FSD1L: variants seen among roughly 807,000 people sequenced by gnomAD.
FSD1L encodes fibronectin type III and SPRY domain containing 1 like.
FSD1L carries 45 observed loss-of-function variants against 71.6 expected under a neutral mutation model. The observed-to-expected ratio is 0.63, with a 90% CI of 0.49 to 0.81. The LOEUF is 0.81. FSD1L is among the 30% of genes least tolerant of loss of function. The pLI is 0.00. For missense variants in FSD1L, 561 were observed against 618.1 expected (o/e 0.91, Z 0.98); for synonymous variants, 197 against 207.2 (o/e 0.95, Z 0.42).
Position 105,549,299 on chromosome 9 carries a change from G to A in FSD1L, c.*2816G>A, listed in dbSNP as rs1458379343. The A allele has an allele frequency of 6.6e-6, 1 of 152,038 alleles. No homozygotes were observed. The highest frequency in any genetic ancestry group is 1.5e-5 in the Non-Finnish European group (1 of 67,948). The allele number at this position is 152,038 out of a possible 1,614,324, so 9.4% of individuals were successfully genotyped here. A position where few individuals can be genotyped will look rare whatever the true frequency, so the allele number is the denominator to read the frequency against. On this transcript the variant is annotated 3_prime_UTR_variant, in exon 14 of 14. Coordinates refer to ENST00000481272, the MANE Select transcript of FSD1L (RefSeq NM_001145313.3). The stretch of plus-strand genomic sequence containing the variant: ...GTTTTATTAAGCTGGATATCGAAAT[G>A]AAGGAGCTGCCTTAAGCACTTTAGA...
chr9:105,471,979 A>G lies in FSD1L; in HGVS notation c.415A>G (p.Ile139Val), dbSNP rs1056200139. ...LLEFATRSLDIKEPEEFSKAA... is the reference protein window; with the variant it reads ...LLEFATRSLDVKEPEEFSKAA... ...AGAATTTGCAACAAGGTCATTAGAT[A>G]TAAAGGAACCTGAAGAATTTTCAAA... Residue 139 changes from isoleucine to valine, a missense_variant, in exon 5 of 14, where the codon ATA (isoleucine) becomes GTA (valine). This residue lies in a region of FSD1L where 410 missense variants were observed against 413.5 expected (regional missense o/e 0.99). Transcript: ENST00000481272. 2.0e-5 allele frequency: 29 copies of G among 1,445,066 alleles called. No homozygotes were observed. The highest frequency in any genetic ancestry group is 2.6e-5 in the Non-Finnish European group (29 of 1,100,488). 89.5% of individuals were successfully genotyped at this position (1,445,066 alleles called of 1,614,324 possible).
chr9:105,487,617 A>AATAT (rs1220083831), intron 7 of FSD1L, among the ~76,000 whole-genome samples: 31 of 152,140 alleles, frequency 2.0e-4, no homozygotes, highest in African/African-American at 7.5e-4. Context: ...GTAGGGTAGG[A>AATAT]CCTTTTAATG....
chr9:105,525,160 G>C (rs1238732736), intron 10 of FSD1L: 4 of 1,574,566 alleles, frequency 2.5e-6, no homozygotes, highest in Non-Finnish European at 3.4e-6. Flanking sequence ...CTCACCAAGA[G>C]AAGCCAGAAG....
intron 10 of FSD1L, chr9:105,521,788 C>G: frequency 1.2e-6 from 2 of 1,612,628 alleles, no homozygotes; most frequent in South Asian, 1.1e-5. Flanking sequence ...CATAACACCT[C>G]TGAAGAAGCC....
At position 105,448,085 on chromosome 9, in the gene FSD1L, G is replaced by T; in HGVS notation, c.-136G>T. 1 of 1,009,826 alleles carries T rather than the reference G, an allele frequency of 9.9e-7. No homozygotes were observed. Among genetic ancestry groups the T allele is most frequent in the Admixed American group, 2.2e-5 (1 of 45,752 alleles). The allele number at this position is 1,009,826 out of a possible 1,614,324, so 62.6% of individuals were successfully genotyped here. On this transcript the variant is annotated 5_prime_UTR_variant, in exon 1 of 14. Coordinates refer to ENST00000481272, the MANE Select transcript of FSD1L (RefSeq NM_001145313.3). ...CTACGGCGCGCGCGGTCTGGGCGCG[G>T]ACGGGTGGGGCCGGGCGGTGCCGGT...
intron 1 of FSD1L, among the ~76,000 whole-genome samples, chr9:105,459,511 G>A (rs1340038292): frequency 6.6e-6 from 1 of 152,190 alleles, no homozygotes; most frequent in Non-Finnish European, 1.5e-5. Flanking sequence ...TACAGCAGTT[G>A]CAGATTAAAG....
intron 10 of FSD1L, among the ~76,000 whole-genome samples, chr9:105,517,450 A>G (rs1834802404): frequency 6.6e-6 from 1 of 152,268 alleles, no homozygotes; most frequent in East Asian, 1.9e-4. Context: ...CCATCAGACT[A>G]ACAGCAGATC....
At chr9:105,492,035 C>T (rs1832978328) in intron 7 of FSD1L, among the ~76,000 whole-genome samples, 1 of 151,904 alleles carries the variant, frequency 6.6e-6, no homozygotes, top group Middle Eastern at 3.4e-3. Flanking sequence ...GGGAGGATTC[C>T]TTCTTTTTTA....
At chr9:105,487,121 A>T (rs1832603352) in intron 7 of FSD1L, among the ~76,000 whole-genome samples, 1 of 152,306 alleles carries the variant, frequency 6.6e-6, no homozygotes, top group South Asian at 2.1e-4. Context: ...GTAGGAGTTC[A>T]TTCCAGATCA....
rs1229894174 is a variant in FSD1L, at chr9:105,550,451, T to C, written c.*3968T>C. The C allele has an allele frequency of 1.3e-5, 2 of 152,072 alleles. No homozygotes were observed. The highest frequency in any genetic ancestry group is 4.8e-5 in the African/African-American group (2 of 41,448). 9.4% of individuals were successfully genotyped at this position (152,072 alleles called of 1,614,324 possible). ...AATATACATTTCATAATGTTGGCAC[T>C]GGAGTATTATAAGAGATCATGAATG... On this transcript the variant is annotated 3_prime_UTR_variant, in exon 14 of 14. Coordinates refer to ENST00000481272, the MANE Select transcript of FSD1L (RefSeq NM_001145313.3).
In FSD1L at chr9:105,548,129, A is replaced by G. The variant is rs1021869775; in HGVS notation, c.*1646A>G. The stretch of plus-strand genomic sequence containing the variant: ...ACTATTATCTGATGACATGTTGGTA[A>G]TTTTAAAGACTGCAAGGCAGTTTAG... On this transcript the variant is annotated 3_prime_UTR_variant, in exon 14 of 14. Transcript: ENST00000481272. 6.6e-6 allele frequency: 1 copy of G among 152,048 alleles called. No homozygotes were observed. Among genetic ancestry groups the G allele is most frequent in the Non-Finnish European group, 1.5e-5 (1 of 67,946 alleles). The allele number at this position is 152,048 out of a possible 1,614,324, so 9.4% of individuals were successfully genotyped here.
chr9:105,445,029 C>T (rs1430070073), upstream of FSD1L, among the ~76,000 whole-genome samples: 2 of 152,152 alleles, frequency 1.3e-5, no homozygotes, highest in Non-Finnish European at 2.9e-5. Flanking sequence ...TGTAAAACTA[C>T]TTTTGAAAAT....
At chr9:105,485,753 C>G (rs189265026) in intron 7 of FSD1L, among the ~76,000 whole-genome samples, 3 of 151,758 alleles carry the variant, frequency 2.0e-5, no homozygotes, top group Non-Finnish European at 2.9e-5. Context: ...GCGCCATTCT[C>G]CTGCCTCAGC....
intron 4 of FSD1L, among the ~76,000 whole-genome samples, chr9:105,469,959 A>G (rs1479803789): frequency 6.6e-6 from 1 of 152,100 alleles, no homozygotes; most frequent in Non-Finnish European, 1.5e-5. Context: ...TAAGGGACCT[A>G]CTTTATTTTT....
intron 1 of FSD1L, among the ~76,000 whole-genome samples, chr9:105,456,602 G>A (rs948362852): frequency 1.3e-5 from 2 of 152,182 alleles, no homozygotes; most frequent in African/African-American, 2.4e-5. Context: ...CTTGGCTAGG[G>A]TGTATATGAT....
chr9:105,538,721 A>G (rs1346834003), intron 12 of FSD1L, among the ~76,000 whole-genome samples: 2 of 152,136 alleles, frequency 1.3e-5, no homozygotes, highest in African/African-American at 4.8e-5. Flanking sequence ...GGATTGCTTG[A>G]GCTCAGGAGT....
chr9:105,524,940 A>G (rs560474502), intron 10 of FSD1L: 46 of 1,614,014 alleles, frequency 2.9e-5, no homozygotes, highest in Non-Finnish European at 3.8e-5. Flanking sequence ...CTTTGTGTTA[A>G]TAATACAACC....
At chr9:105,514,167 A>G (rs1231296789) in intron 10 of FSD1L, among the ~76,000 whole-genome samples, 1 of 152,238 alleles carries the variant, frequency 6.6e-6, no homozygotes, top group Non-Finnish European at 1.5e-5. Context: ...ACATATCTTT[A>G]CTGGAAACCA....
chr9:105,533,414 A>ATTTTTT (rs1271918066), intron 10 of FSD1L, among the ~76,000 whole-genome samples: 14 of 13,364 alleles, frequency 1.0e-3, no homozygotes, highest in South Asian at 3.8e-3. Flanking sequence ...TGCCATTTCC[A>ATTTTTT]TCTTTTTTTT....
Sources: allele counts gnomAD v4.1 joint callset (sites outside exome capture counted in the v4.1 genomes callset), GRCh38; gene constraint gnomAD v4.1.1; regional missense constraint gnomAD v4.1.1; transcripts MANE v1.5; gene names NCBI Gene and HGNC (gene_info 2026-07-23, HGNC 2026-07-21).